Variants in PLXDC1 observed in about 807,000 individuals in gnomAD.
The protein encoded by PLXDC1 is plexin domain-containing protein 1.
PLXDC1 carries 39 observed loss-of-function variants against 61.3 expected under a neutral mutation model. The observed-to-expected ratio is 0.64, with a 90% CI of 0.49 to 0.83. The LOEUF (loss-of-function observed/expected upper bound fraction) is 0.83, where lower values mean the gene tolerates loss of function less well. PLXDC1 is among the 40% of genes least tolerant of loss of function. PLXDC1 has a pLI of 0.00. For missense variants in PLXDC1, 596 were observed against 666.5 expected (o/e 0.89, Z 1.17); for synonymous variants, 212 against 254.5 (o/e 0.83, Z 1.59).
chr17:39,099,242 C>T (rs1910333565), intron 7 of PLXDC1, among the ~76,000 whole-genome samples: 1 of 152,062 alleles, frequency 6.6e-6, no homozygotes, highest in African/African-American at 2.4e-5. Flanking sequence ...CCCCTTCACC[C>T]CTCATCTCTC....
chr17:39,119,825 A>G (rs1911101982), intron 2 of PLXDC1, among the ~76,000 whole-genome samples: 1 of 152,232 alleles, frequency 6.6e-6, no homozygotes, highest in East Asian at 1.9e-4. Context: ...TTCTGGGAGA[A>G]CTTTTCCCTG....
intron 7 of PLXDC1, among the ~76,000 whole-genome samples, chr17:39,089,710 C>T (rs1490520433): frequency 6.6e-6 from 1 of 152,184 alleles, no homozygotes; most frequent in Non-Finnish European, 1.5e-5. Context: ...GGGTGGGCGT[C>T]CCGTGCCACT....
rs56223337 is a variant in PLXDC1, at chr17:39,118,084, C to CCCTTCCTTCCTT, written c.256-8705_256-8694dup. Reference sequence around the variant, plus strand: ...TCCTTCCCTCCCTCCCTCCCTCCCTCCCTTCCTTCCTTCCTTCCTTCCTTC... The same window carrying CCCTTCCTTCCTT: ...TCCTTCCCTCCCTCCCTCCCTCCCTCCCTTCCTTCCTTCCTTCCTTCCTTCCTTCCTTCCTTC... On this transcript the variant is annotated intron_variant, in intron 2 of 13. Transcript: ENST00000315392. Among the ~76,000 whole-genome samples, 203 of 101,914 alleles carry CCCTTCCTTCCTT rather than the reference C, an allele frequency of 2.0e-3. 1 individual carries two copies. Among genetic ancestry groups the CCCTTCCTTCCTT allele is most frequent in the Admixed American group, 2.0e-3 (18 of 8,978 alleles). 66.9% of individuals were successfully genotyped at this position (101,914 alleles called of 152,430 possible). A position where few individuals can be genotyped will look rare whatever the true frequency, so the allele number is the denominator to read the frequency against.
chr17:39,113,235 C>T (rs1910867846), intron 2 of PLXDC1: 3 of 152,210 alleles, frequency 2.0e-5, no homozygotes, highest in East Asian at 1.9e-4. Flanking sequence ...AAGGAAGGCT[C>T]CTTTCCCAGG....
chr17:39,145,458 A>C (rs2045333976), intron 1 of PLXDC1, among the ~76,000 whole-genome samples: 1 of 152,130 alleles, frequency 6.6e-6, no homozygotes, highest in South Asian at 2.1e-4. Context: ...TCAGGTTACC[A>C]CAGCCTCTAT....
intron 1 of PLXDC1, among the ~76,000 whole-genome samples, chr17:39,143,189 T>C (rs1911991470): frequency 6.6e-6 from 1 of 152,170 alleles, no homozygotes; most frequent in Non-Finnish European, 1.5e-5. Flanking sequence ...TTCAAAAAGA[T>C]TTATGCCCCC....
intron 7 of PLXDC1, among the ~76,000 whole-genome samples, chr17:39,093,587 G>A (rs1039366185): frequency 2.6e-5 from 4 of 151,846 alleles, no homozygotes; most frequent in South Asian, 2.1e-4. Flanking sequence ...ATGGTGGCAC[G>A]CGCCTGTAAT....
rs547869095 is a variant in PLXDC1, at chr17:39,110,389, G to A, written c.256-998C>T. 2.6e-5 allele frequency among the ~76,000 whole-genome samples: 4 copies of A among 152,342 alleles called. No individual in the cohort carries two copies. The South Asian group carries it at 8.3e-4, about 32-fold the overall frequency. ...TGATGGAGATGAAATAAAGAAGTTA[G>A]AATGCTATGGGCTGGGGGTTCATTC... On this transcript the variant is annotated intron_variant, in intron 2 of 13. Transcript: ENST00000315392.
chr17:39,126,639 G>A (rs536537129), intron 2 of PLXDC1, among the ~76,000 whole-genome samples: 25 of 152,210 alleles, frequency 1.6e-4, no homozygotes, highest in African/African-American at 5.8e-4. Flanking sequence ...GGAACAAGGC[G>A]GGAACTGACT....
intron 2 of PLXDC1, among the ~76,000 whole-genome samples, chr17:39,134,089 C>G (rs973747301): frequency 6.6e-6 from 1 of 151,920 alleles, no homozygotes; most frequent in African/African-American, 2.4e-5. Context: ...AACCCCATCT[C>G]TACTAAAAAT....
chr17:39,067,541 A>G lies in PLXDC1; in HGVS notation c.*299T>C. On this transcript the variant is annotated 3_prime_UTR_variant, in exon 14 of 14. Transcript: ENST00000315392. ...GTAAAGGCCCCTTAAACAAAAATGGAGTTAGTTATGTTAGTTCTTCTGCTG... is the reference window on the plus strand; with the variant it reads ...GTAAAGGCCCCTTAAACAAAAATGGGGTTAGTTATGTTAGTTCTTCTGCTG... 1 of 268,460 alleles carries G rather than the reference A, an allele frequency of 3.7e-6. No individual in the cohort carries two copies. The highest frequency in any genetic ancestry group is 7.0e-6 in the Non-Finnish European group (1 of 141,886). The allele number at this position is 268,460 out of a possible 1,614,324, so 16.6% of individuals were successfully genotyped here. A position where few individuals can be genotyped will look rare whatever the true frequency, so the allele number is the denominator to read the frequency against.
In PLXDC1 at chr17:39,078,031, G is replaced by T. The variant is rs138219673; in HGVS notation, c.1068C>A (p.Cys356Ter). 10 of 1,609,500 alleles carry T rather than the reference G, an allele frequency of 6.2e-6. No homozygotes were observed. Among genetic ancestry groups the T allele is most frequent in the Non-Finnish European group, 7.6e-6 (9 of 1,177,610 alleles). Residue 356 changes from cysteine to a stop codon, truncating the protein, a stop_gained, in exon 11 of 14, where the codon TGC becomes TGA. Coordinates refer to ENST00000315392, the MANE Select transcript of PLXDC1 (RefSeq NM_020405.5). LOFTEE classifies it high-confidence loss of function. Reference protein sequence around the residue: ...GCAQEAEGRMCEDFQDEDHDS... With the variant: ...GCAQEAEGRM ...CGTGGTCCTCATCCTGGAAGTCCTC[G>T]CACATCCTGCCCTCTGCCTGCAGGA...
rs1908917106 is a variant in PLXDC1 at position 39,066,883 on chromosome 17, C to G, written c.*957G>C. ...ACAGGCGTGAGCCACTGCACCTGGC[C>G]AAGGACCAGCTTGTGAGTCTAGGGA... On this transcript the variant is annotated 3_prime_UTR_variant, in exon 14 of 14. Coordinates refer to ENST00000315392, the MANE Select transcript of PLXDC1 (RefSeq NM_020405.5). 1 of 152,324 alleles carries G rather than the reference C, an allele frequency of 6.6e-6. No homozygotes were observed. Among genetic ancestry groups the G allele is most frequent in the Non-Finnish European group, 1.5e-5 (1 of 68,134 alleles). 9.4% of individuals were successfully genotyped at this position (152,324 alleles called of 1,614,324 possible). A position where few individuals can be genotyped will look rare whatever the true frequency, so the allele number is the denominator to read the frequency against.
intron 2 of PLXDC1, among the ~76,000 whole-genome samples, chr17:39,122,895 C>T (rs191655774): frequency 6.6e-6 from 1 of 152,314 alleles, no homozygotes; most frequent in Non-Finnish European, 1.5e-5. Flanking sequence ...AAGCTCAATA[C>T]ACAAATCACA....
At chr17:39,108,597 GC>G in intron 4 of PLXDC1, 1 of 513,852 alleles carries the variant, frequency 1.9e-6, no homozygotes, top group South Asian at 2.4e-5. Flanking sequence ...GGCCCCAGGA[GC>G]CCAAGCTCTC....
At chr17:39,071,909 C>T (rs1042690612) in intron 12 of PLXDC1, 1 of 158,788 alleles carries the variant, frequency 6.3e-6, no homozygotes, top group African/African-American at 2.4e-5. Flanking sequence ...GGGCAAAGGG[C>T]AGGGGAGGTG....
chr17:39,079,842 G>T (rs1279372169), intron 9 of PLXDC1: 1 of 302,648 alleles, frequency 3.3e-6, no homozygotes, highest in Non-Finnish European at 6.5e-6. Context: ...AGGGATGTCT[G>T]CATGGGAAGA....
chr17:39,122,371 T>A, intron 2 of PLXDC1, among the ~76,000 whole-genome samples: 1 of 113,926 alleles, frequency 8.8e-6, no homozygotes, highest in African/African-American at 3.4e-5. Flanking sequence ...AGAGCGAGAC[T>A]CTGTCTCAAA....
intron 7 of PLXDC1, among the ~76,000 whole-genome samples, chr17:39,095,367 GCCC>G (rs1183879667): frequency 1.3e-4 from 1 of 7,584 alleles, no homozygotes; most frequent in Admixed American, 1.2e-3. Flanking sequence ...CTTACGCCCC[GCCC>G]CCCCCCCCCA....
Sources: allele counts gnomAD v4.1 joint callset (sites outside exome capture counted in the v4.1 genomes callset), GRCh38; gene constraint gnomAD v4.1.1; transcripts MANE v1.5; gene names NCBI Gene and HGNC (gene_info 2026-07-23, HGNC 2026-07-21).